ROBO2: variants seen among roughly 807,000 people sequenced by gnomAD.
ROBO2 encodes roundabout guidance receptor 2.
In ROBO2, 53 loss-of-function variants were observed where a neutral mutation model predicts 160.8. The observed-to-expected ratio is 0.33, with a 90% CI of 0.26 to 0.41. The LOEUF (loss-of-function observed/expected upper bound fraction) is 0.41. ROBO2 is among the 10% of genes least tolerant of loss of function. ROBO2 has a pLI of 1.00. For missense variants in ROBO2, 1,577 were observed against 1,722.4 expected (o/e 0.92, Z 1.49); for synonymous variants, 664 against 611.7 (o/e 1.09, Z -1.26).
intron 2 of ROBO2, among the ~76,000 whole-genome samples, chr3:76,992,325 C>CTA (rs10530833): frequency 0.031 from 1,445 of 46,390 alleles, 17 homozygotes; most frequent in East Asian, 0.036. Context: ...CCATGTATTA[C>CTA]TATATATATA....
intron 2 of ROBO2, among the ~76,000 whole-genome samples, chr3:76,744,241 C>G (rs780673873): frequency 6.6e-6 from 1 of 152,084 alleles, no homozygotes; most frequent in African/African-American, 2.4e-5. Flanking sequence ...AAGTTCAAGA[C>G]CAAGGTATCA....
chr3:76,429,994 C>A (rs1420702161), intron 2 of ROBO2, among the ~76,000 whole-genome samples: 1 of 152,070 alleles, frequency 6.6e-6, no homozygotes, highest in African/African-American at 2.4e-5. Context: ...GCCCAGGACA[C>A]GGGGACACTG....
chr3:77,499,782 G>T (rs557821671), intron 5 of ROBO2, among the ~76,000 whole-genome samples: 1 of 151,398 alleles, frequency 6.6e-6, no homozygotes. Context: ...CTGAGTAGCT[G>T]GGACTATAGG....
chr3:77,547,675 A>G (rs2092751244), intron 7 of ROBO2, among the ~76,000 whole-genome samples: 1 of 151,998 alleles, frequency 6.6e-6, no homozygotes, highest in Admixed American at 6.6e-5. Context: ...ATGGCCTTTT[A>G]TTCCTCACTC....
At chr3:76,123,786 C>T (rs2070851041) in intron 2 of ROBO2, among the ~76,000 whole-genome samples, 1 of 152,134 alleles carries the variant, frequency 6.6e-6, no homozygotes, top group African/African-American at 2.4e-5. Flanking sequence ...TTAGCTTCGT[C>T]TTACACCTTT....
At chr3:77,274,640 A>G (rs1367831635) in intron 2 of ROBO2, among the ~76,000 whole-genome samples, 1 of 152,132 alleles carries the variant, frequency 6.6e-6, no homozygotes, top group African/African-American at 2.4e-5. Flanking sequence ...ATTGAATTAC[A>G]TGGAAAGAAT....
intron 4 of ROBO2, among the ~76,000 whole-genome samples, chr3:77,484,882 T>C (rs183644923): frequency 6.6e-6 from 1 of 152,292 alleles, no homozygotes; most frequent in East Asian, 1.9e-4. Context: ...CTATTTTTGT[T>C]CTTCTTTGAA....
intron 24 of ROBO2, among the ~76,000 whole-genome samples, chr3:77,636,229 T>A (rs1248309020): frequency 6.6e-6 from 1 of 152,172 alleles, no homozygotes. Context: ...TAAATATCTT[T>A]GGCTTTTGGG....
intron 2 of ROBO2, among the ~76,000 whole-genome samples, chr3:77,380,016 G>A (rs569524104): frequency 4.0e-4 from 61 of 152,158 alleles, no homozygotes; most frequent in Non-Finnish European, 6.5e-4. Context: ...AAAACACTCA[G>A]GGAGGACTTA....
chr3:77,570,012 A>G (rs2093598028), intron 13 of ROBO2, among the ~76,000 whole-genome samples: 1 of 151,930 alleles, frequency 6.6e-6, no homozygotes, highest in Non-Finnish European at 1.5e-5. Context: ...TTATTTTTAC[A>G]GTGGCACAGT....
At chr3:76,081,943 T>A (rs2068847908) in intron 2 of ROBO2, among the ~76,000 whole-genome samples, 1 of 152,020 alleles carries the variant, frequency 6.6e-6, no homozygotes, top group Non-Finnish European at 1.5e-5. Flanking sequence ...ATATAAAATA[T>A]AACTTTATTT....
At chr3:77,035,842 G>T (rs1451959152), upstream of ROBO2, among the ~76,000 whole-genome samples, 1 of 151,834 alleles carries the variant, frequency 6.6e-6, no homozygotes, top group Non-Finnish European at 1.5e-5. Flanking sequence ...GTTGTCCTGT[G>T]TCCTTTTGTA....
At chr3:77,631,383 A>G (rs185102316) in intron 23 of ROBO2, 7 of 152,268 alleles carry the variant, frequency 4.6e-5, no homozygotes, top group African/African-American at 1.7e-4. Context: ...AAAAAAATTA[A>G]ATGGTCTATA....
chr3:77,586,418 T>A (rs970903379), intron 16 of ROBO2, among the ~76,000 whole-genome samples: 1 of 152,110 alleles, frequency 6.6e-6, no homozygotes, highest in Non-Finnish European at 1.5e-5. Context: ...ATCTGATGTG[T>A]CTAATTAATT....
chr3:76,411,197 A>G (rs549512301), intron 2 of ROBO2, among the ~76,000 whole-genome samples: 10 of 152,260 alleles, frequency 6.6e-5, no homozygotes, highest in Non-Finnish European at 1.2e-4. Flanking sequence ...AGAATTCCGA[A>G]TGACCAGACA....
chr3:76,997,907 C>T (rs1159518840), intron 2 of ROBO2, among the ~76,000 whole-genome samples: 2 of 152,046 alleles, frequency 1.3e-5, no homozygotes, highest in African/African-American at 4.8e-5. Flanking sequence ...TTAGCTCAGC[C>T]CCATATGCTT....
rs142601894 is a variant in ROBO2 at position 76,071,952 on chromosome 3, A to G, written c.109+134350A>G. On this transcript the variant is annotated intron_variant, in intron 2 of 26. Coordinates refer to the ROBO2 transcript ENST00000487694. ...CAGTAAAAACTGTTTTGTGGAACAC[A>G]CTTCAATACCAAAAAAAGCTTGTTA... Among the ~76,000 whole-genome samples the G allele has an allele frequency of 1.2e-4, 18 of 152,258 alleles. No individual in the cohort carries two copies. The East Asian group carries it at 3.3e-3, about 28-fold the overall frequency.
At chr3:76,661,527 C>G (rs921253705) in intron 2 of ROBO2, among the ~76,000 whole-genome samples, 1 of 152,086 alleles carries the variant, frequency 6.6e-6, no homozygotes, top group Non-Finnish European at 1.5e-5. Flanking sequence ...AGGCAGACAT[C>G]AATCAATAGA....
At chr3:77,408,272 T>C (rs2076418860) in intron 2 of ROBO2, among the ~76,000 whole-genome samples, 2 of 152,170 alleles carry the variant, frequency 1.3e-5, no homozygotes, top group South Asian at 4.1e-4. Flanking sequence ...CCACACTAAA[T>C]TGTTTGTGCG....
Sources: allele counts gnomAD v4.1 joint callset (sites outside exome capture counted in the v4.1 genomes callset), GRCh38; gene constraint gnomAD v4.1.1; transcripts MANE v1.5; gene names NCBI Gene and HGNC (gene_info 2026-07-23, HGNC 2026-07-21).